The following DSCAML1 variants were observed in gnomAD, a reference collection of about 807,000 sequenced individuals.
DSCAML1 encodes cell adhesion molecule DSCAML1.
In DSCAML1, 38 loss-of-function variants were observed where a neutral mutation model predicts 200.5. The ratio of observed to expected loss-of-function variants is 0.19; its 90% CI spans 0.15 to 0.25. The LOEUF (loss-of-function observed/expected upper bound fraction) is 0.25. DSCAML1 is among the 10% of genes least tolerant of loss of function. DSCAML1 has a pLI of 1.00. For missense variants in DSCAML1, 2,223 were observed against 2,858.8 expected (o/e 0.78, Z 5.07); for synonymous variants, 1,215 against 1,165.0 (o/e 1.04, Z -0.87).
intron 19 of DSCAML1, among the ~76,000 whole-genome samples, chr11:117,455,122 T>C (rs1156830722): frequency 6.6e-6 from 1 of 152,202 alleles, no homozygotes; most frequent in Non-Finnish European, 1.5e-5. Context: ...TTATGATGCC[T>C]TCAACAGGTG....
rs199899122 is a variant in DSCAML1 at position 117,662,627 on chromosome 11, T to TA, written c.511+114163dup. On this transcript the variant is annotated intron_variant, in intron 3 of 32. Transcript: ENST00000651296. Reference sequence around the variant, plus strand: ...CAACACCCTGCACATAGTAGGTGCTTAGTCAATGTTTCTAGATTGTGAAAT... The same window carrying TA: ...CAACACCCTGCACATAGTAGGTGCTTAAGTCAATGTTTCTAGATTGTGAAAT... 3.0e-3 allele frequency among the ~76,000 whole-genome samples: 462 copies of TA among 152,362 alleles called. 3 individuals are homozygous for TA. The highest frequency in any genetic ancestry group is 0.01 in the Middle Eastern group (3 of 294).
At chr11:117,578,512 T>A (rs2050990111) in intron 3 of DSCAML1, among the ~76,000 whole-genome samples, 2 of 150,822 alleles carry the variant, frequency 1.3e-5, no homozygotes, top group Admixed American at 1.3e-4. Context: ...CTCTAAAAAT[T>A]TTTAAAAATT....
At chr11:117,485,701 G>A (rs1326569872) in intron 11 of DSCAML1, among the ~76,000 whole-genome samples, 4 of 152,348 alleles carry the variant, frequency 2.6e-5, no homozygotes, top group African/African-American at 9.6e-5. Context: ...AACGTGTGAC[G>A]TGCAACATAG....
At chr11:117,478,192 C>T (rs552879) in intron 14 of DSCAML1, among the ~76,000 whole-genome samples, 66,385 of 151,980 alleles carry the variant, frequency 0.44, 15,145 homozygotes, top group South Asian at 0.58. Context: ...GAGGCTCCCA[C>T]GCATTAGAGA....
Position 117,505,716 on chromosome 11 carries a change from C to T in DSCAML1, c.1800G>A (p.Gln600=). The change falls in exon 9 of 33, where the codon CAG becomes CAA. Residue 600 remains glutamine (Q), a synonymous_variant. Transcript: ENST00000651296. This position sits in a 1 kb window ranked among gnomAD's most constrained non-coding sequence, Gnocchi z 6.7. ...TGGAGGCGGGTGGGAATTCGAAGGG[C>T]TGGATCAGAGGGGGCACTGGGAAGG... The part of the protein sequence containing the change: ...HVAVKVPPLI[Q]PFEFPPASIG... 1 of 1,610,792 alleles carries T rather than the reference C, an allele frequency of 6.2e-7. No homozygotes were observed. The highest frequency in any genetic ancestry group is 8.5e-7 in the Non-Finnish European group (1 of 1,178,312).
chr11:117,562,900 A>C (rs993431311), intron 3 of DSCAML1, among the ~76,000 whole-genome samples: 1 of 152,168 alleles, frequency 6.6e-6, no homozygotes, highest in African/African-American at 2.4e-5. Flanking sequence ...CCCTGCTATC[A>C]GTTCCTTCTT....
intron 3 of DSCAML1, among the ~76,000 whole-genome samples, chr11:117,766,335 G>A (rs1420476629): frequency 2.6e-5 from 4 of 152,156 alleles, no homozygotes; most frequent in Non-Finnish European, 4.4e-5. Flanking sequence ...GCCAGAATTC[G>A]GCAAGCAATA....
upstream of DSCAML1, chr11:117,800,868 TTAACTC>T (rs2055650727): frequency 6.6e-6 from 1 of 152,206 alleles, no homozygotes; most frequent in Admixed American, 6.5e-5. Flanking sequence ...TTTTTATTGT[TTAACTC>T]AAACAATAAG....
At chr11:117,634,764 C>T (rs1166939604) in intron 3 of DSCAML1, among the ~76,000 whole-genome samples, 1 of 152,216 alleles carries the variant, frequency 6.6e-6, no homozygotes, top group East Asian at 1.9e-4. Context: ...GTCCCCTACT[C>T]CTCGAGGCTG....
chr11:117,438,466 G>T (rs773281630), intron 24 of DSCAML1, among the ~76,000 whole-genome samples: 2 of 152,150 alleles, frequency 1.3e-5, no homozygotes, highest in Non-Finnish European at 1.5e-5. Flanking sequence ...AGCAGGCTCA[G>T]AAGCACCTGG....
chr11:117,695,850 C>T (rs947462545), intron 3 of DSCAML1, among the ~76,000 whole-genome samples: 1 of 152,172 alleles, frequency 6.6e-6, no homozygotes, highest in Non-Finnish European at 1.5e-5. Context: ...GCCTCAGTTT[C>T]TTCAACTATA....
intron 16 of DSCAML1, among the ~76,000 whole-genome samples, chr11:117,467,918 T>TA (rs1200663580): frequency 6.6e-6 from 1 of 152,178 alleles, no homozygotes; most frequent in Non-Finnish European, 1.5e-5. Context: ...ACAGATTGCC[T>TA]ACATGCCCAG....
At chr11:117,460,597 A>G (rs78694897) in intron 18 of DSCAML1, among the ~76,000 whole-genome samples, 75 of 152,272 alleles carry the variant, frequency 4.9e-4, no homozygotes, top group Admixed American at 9.2e-4. Flanking sequence ...TGTGAGCTAC[A>G]AGTCTCCAGG....
intron 3 of DSCAML1, among the ~76,000 whole-genome samples, chr11:117,692,327 T>C (rs1013689662): frequency 6.6e-6 from 1 of 152,092 alleles, no homozygotes; most frequent in Non-Finnish European, 1.5e-5. Flanking sequence ...TGCCTGTCAC[T>C]TTCTCCACCC....
intron 3 of DSCAML1, among the ~76,000 whole-genome samples, chr11:117,647,686 C>T (rs2052544831): frequency 6.6e-6 from 1 of 152,114 alleles, no homozygotes; most frequent in Non-Finnish European, 1.5e-5. Context: ...GGGAGACTCA[C>T]TCTGATTAGC....
At chr11:117,761,358 C>A (rs2054798483) in intron 3 of DSCAML1, among the ~76,000 whole-genome samples, 1 of 152,222 alleles carries the variant, frequency 6.6e-6, no homozygotes, top group African/African-American at 2.4e-5. Flanking sequence ...CAGACTGAGG[C>A]CTGCCTTTTG....
At chr11:117,549,663 A>C (rs1054508447) in intron 3 of DSCAML1, among the ~76,000 whole-genome samples, 1 of 152,198 alleles carries the variant, frequency 6.6e-6, no homozygotes. Context: ...ACAGCTTCCC[A>C]TCCAACGTCT....
intron 3 of DSCAML1, among the ~76,000 whole-genome samples, chr11:117,627,622 A>C (rs2052079795): frequency 6.6e-6 from 1 of 152,072 alleles, no homozygotes; most frequent in Non-Finnish European, 1.5e-5. Flanking sequence ...GCTCCTCCGT[A>C]ACTGAGCTCA....
chr11:117,562,550 T>C (rs2050682956), intron 3 of DSCAML1, among the ~76,000 whole-genome samples: 1 of 152,184 alleles, frequency 6.6e-6, no homozygotes, highest in Non-Finnish European at 1.5e-5. Flanking sequence ...CAGGGCAAGT[T>C]TTCTGAGGCC....
Sources: allele counts gnomAD v4.1 joint callset (sites outside exome capture counted in the v4.1 genomes callset), GRCh38; gene constraint gnomAD v4.1.1; non-coding constraint Gnocchi (gnomAD v3.1); transcripts MANE v1.5; gene names NCBI Gene and HGNC (gene_info 2026-07-23, HGNC 2026-07-21).